CCDC102B: variants seen among roughly 807,000 people sequenced by gnomAD.
CCDC102B encodes the protein coiled-coil domain containing 102B.
A neutral mutation model predicts 57.4 loss-of-function variants in CCDC102B; 75 were observed. The observed-to-expected ratio is 1.31, with a 90% CI of 1.08 to 1.58. The LOEUF is 1.58. Among genes scored for constraint, CCDC102B ranks in the 40% most tolerant of loss-of-function variants. The pLI is 0.00. For synonymous variants in CCDC102B, 206 were observed against 201.9 expected, an observed-to-expected ratio of 1.02 and a Z score of -0.17; for missense variants, 636 against 582.6, an observed-to-expected ratio of 1.09 and a Z score of -0.94.
chr18:68,993,666 A>T (rs1354119812), intron 6 of CCDC102B, among the ~76,000 whole-genome samples: 1 of 152,232 alleles, frequency 6.6e-6, no homozygotes, highest in Non-Finnish European at 1.5e-5. Flanking sequence ...TGAAAGTCTA[A>T]CTAGTTAATC....
chr18:68,895,670 C>G (rs1373161990), intron 5 of CCDC102B, among the ~76,000 whole-genome samples: 2 of 151,794 alleles, frequency 1.3e-5, no homozygotes, highest in African/African-American at 4.8e-5. Context: ...TGACCCTCTT[C>G]TGTCCCTACA....
At chr18:68,970,718 T>C (rs2050279688) in intron 6 of CCDC102B, among the ~76,000 whole-genome samples, 1 of 152,062 alleles carries the variant, frequency 6.6e-6, no homozygotes, top group Non-Finnish European at 1.5e-5. Context: ...GTTTTCTGAA[T>C]GCAATATGCT....
intron 6 of CCDC102B, among the ~76,000 whole-genome samples, chr18:68,982,200 A>C (rs2145296132): frequency 6.6e-6 from 1 of 151,946 alleles, no homozygotes; most frequent in Admixed American, 6.6e-5. Context: ...GTAGTTCAAA[A>C]CTTTCAAAAG....
At chr18:68,881,976 A>C (rs1242054807) in intron 5 of CCDC102B, among the ~76,000 whole-genome samples, 2 of 152,226 alleles carry the variant, frequency 1.3e-5, no homozygotes, top group Non-Finnish European at 2.9e-5. Context: ...TAAATCAAGC[A>C]AAAGGAGTTA....
chr18:68,989,043 C>G (rs1194246526), intron 6 of CCDC102B, among the ~76,000 whole-genome samples: 3 of 152,128 alleles, frequency 2.0e-5, no homozygotes, highest in Non-Finnish European at 4.4e-5. Flanking sequence ...CATATCTGTT[C>G]CTGACTCTAA....
rs367688198 is a variant in CCDC102B at position 68,997,543 on chromosome 18, A to C, written c.1264-13391A>C. 5.3e-5 allele frequency among the ~76,000 whole-genome samples: 8 copies of C among 152,162 alleles called. No individual in the cohort carries two copies. The East Asian group carries it at 5.8e-4, about 11-fold the overall frequency. On this transcript the variant is annotated intron_variant, in intron 6 of 7. Transcript: ENST00000360242. The stretch of plus-strand genomic sequence containing the variant: ...TATAAAATATACATGTAAAATGTAC[A>C]TGTCAAGTAGACAGCTTGATATGGA...
At chr18:69,004,621 A>G (rs1186463423) in intron 6 of CCDC102B, among the ~76,000 whole-genome samples, 1 of 152,118 alleles carries the variant, frequency 6.6e-6, no homozygotes, top group Non-Finnish European at 1.5e-5. Context: ...TCCACCCCTC[A>G]TTAATTATTC....
chr18:68,750,530 C>CA (rs1376158675), intron 2 of CCDC102B, among the ~76,000 whole-genome samples: 1 of 151,952 alleles, frequency 6.6e-6, no homozygotes, highest in African/African-American at 2.4e-5. Flanking sequence ...TTCACAATAG[C>CA]AAAAAATTGA....
chr18:68,759,415 A>T (rs1028003556), intron 2 of CCDC102B, among the ~76,000 whole-genome samples: 14 of 152,230 alleles, frequency 9.2e-5, no homozygotes, highest in Middle Eastern at 3.4e-3. Context: ...ATAATATTTT[A>T]GTTTACCTGC....
chr18:68,946,297 A>G (rs2049536614), intron 6 of CCDC102B, among the ~76,000 whole-genome samples: 1 of 152,076 alleles, frequency 6.6e-6, no homozygotes, highest in Non-Finnish European at 1.5e-5. Flanking sequence ...CATATAAACA[A>G]TTAACCATCT....
intron 2 of CCDC102B, among the ~76,000 whole-genome samples, chr18:68,792,247 A>G (rs2035486696): frequency 6.6e-6 from 1 of 152,214 alleles, no homozygotes; most frequent in Admixed American, 6.5e-5. Context: ...TAATAATTAG[A>G]TATTCCCAAG....
intron 6 of CCDC102B, among the ~76,000 whole-genome samples, chr18:68,984,375 G>T (rs1399356715): frequency 1.3e-5 from 2 of 152,032 alleles, no homozygotes; most frequent in Non-Finnish European, 2.9e-5. Context: ...GTAGAAAGGT[G>T]ATGTCGATTT....
intron 2 of CCDC102B, among the ~76,000 whole-genome samples, chr18:68,756,343 A>G (rs771971743): frequency 6.6e-5 from 10 of 152,194 alleles, no homozygotes; most frequent in East Asian, 1.9e-4. Flanking sequence ...GAACTATTCT[A>G]TCAATACAAA....
intron 2 of CCDC102B, among the ~76,000 whole-genome samples, chr18:68,732,260 A>G (rs1197176779): frequency 4.6e-5 from 7 of 151,896 alleles, no homozygotes; most frequent in African/African-American, 1.2e-4. Flanking sequence ...GGTGGATACC[A>G]TAAACTGTTT....
intron 2 of CCDC102B, among the ~76,000 whole-genome samples, chr18:68,785,527 G>A (rs1307559700): frequency 6.6e-6 from 1 of 151,418 alleles, no homozygotes; most frequent in African/African-American, 2.4e-5. Flanking sequence ...ATTCTAACTG[G>A]TGTGAGATGG....
At chr18:68,998,999 TAGAGAGAGAGAGAGAGAG>T (rs60271182) in intron 6 of CCDC102B, among the ~76,000 whole-genome samples, 7 of 43,336 alleles carry the variant, frequency 1.6e-4, no homozygotes, top group African/African-American at 5.5e-4. Flanking sequence ...TATATATATA[TAGAGAGAGAGAGAGAGAG>T]AGAGAGAGAG....
At chr18:69,029,652 A>G (rs1244184639) in intron 7 of CCDC102B, among the ~76,000 whole-genome samples, 1 of 152,174 alleles carries the variant, frequency 6.6e-6, no homozygotes, top group African/African-American at 2.4e-5. Context: ...GAGGTTCATA[A>G]GGTCAAAACT....
chr18:68,966,226 G>T (rs1054318515), intron 6 of CCDC102B, among the ~76,000 whole-genome samples: 1 of 151,724 alleles, frequency 6.6e-6, no homozygotes, highest in African/African-American at 2.4e-5. Flanking sequence ...TGACTATATT[G>T]GGTCTACTGG....
intron 2 of CCDC102B, among the ~76,000 whole-genome samples, chr18:68,728,652 A>G (rs2032712623): frequency 6.6e-6 from 1 of 152,204 alleles, no homozygotes; most frequent in African/African-American, 2.4e-5. Flanking sequence ...CTAAAAAATT[A>G]TAACTTTTTC....
Sources: allele counts gnomAD v4.1 joint callset (sites outside exome capture counted in the v4.1 genomes callset), GRCh38; gene constraint gnomAD v4.1.1; transcripts MANE v1.5; gene names NCBI Gene and HGNC (gene_info 2026-07-23, HGNC 2026-07-21).